The following RHCE variants were observed in gnomAD, a reference collection of about 807,000 sequenced individuals.
The protein encoded by RHCE is Rh blood group CcEe antigens, also known as blood group Rh(CE) polypeptide.
A neutral mutation model predicts 43.8 loss-of-function variants in RHCE; 22 were observed. That is an observed-to-expected ratio of 0.50 (90% CI 0.36 to 0.72). RHCE has a LOEUF of 0.72. Ranked by LOEUF, RHCE falls within the 30% of genes least tolerant of loss-of-function variation. The pLI is 0.00. For synonymous variants in RHCE, 156 were observed against 210.7 expected (o/e 0.74, Z 2.25); for missense variants, 385 against 525.4 (o/e 0.73, Z 2.61).
intron 7 of RHCE, 182 bp downstream of exon 7, chr1:25,385,529 G>A (rs1048358995): frequency 9.7e-6 from 9 of 924,192 alleles, no homozygotes; most frequent in African/African-American, 3.2e-5. Context: ...CTGGAGAGGT[G>A]ATAAATCCAT....
intron 9 of RHCE, among the ~76,000 whole-genome samples, chr1:25,368,897 A>T (rs1571821176): frequency 6.6e-6 from 1 of 151,838 alleles, no homozygotes. Context: ...AGTAGCCGGG[A>T]TTACAGGCAG....
At chr1:25,427,506 G>A (rs1283138442) in intron 2 of RHCE, among the ~76,000 whole-genome samples, 2 of 152,204 alleles carry the variant, frequency 1.3e-5, no homozygotes, top group African/African-American at 2.4e-5. Context: ...AATCCCAAAG[G>A]GCCATTTCAG....
chr1:25,414,258 G>A (rs58200238), intron 1 of RHCE, among the ~76,000 whole-genome samples: 11,128 of 151,758 alleles, frequency 0.073, 1,278 homozygotes, highest in African/African-American at 0.25. Context: ...TGCCTCCTCC[G>A]GTCAGCTGCC....
chr1:25,388,065 C>T (rs533892395), intron 6 of RHCE, among the ~76,000 whole-genome samples: 3 of 151,744 alleles, frequency 2.0e-5, no homozygotes, highest in East Asian at 1.9e-4. Context: ...GCCATCTGCC[C>T]GCCTCGGCCT....
Position 25,383,422 on chromosome 1 carries a change from G to A in RHCE, c.1073+2289C>T, listed in dbSNP as rs555080219. On this transcript the variant is annotated intron_variant, in intron 7 of 9. Transcript: ENST00000294413. ...CCTCTCTCCATCTTTCCATTACATA[G>A]AGATGTCCCCATACTGATGCAGCAT... Among the ~76,000 whole-genome samples the A allele has an allele frequency of 1.3e-3, 204 of 152,286 alleles. 2 individuals carry two copies. Among genetic ancestry groups the A allele is most frequent in the Non-Finnish European group, 2.4e-3 (162 of 68,032 alleles).
chr1:25,376,189 G>A (rs1338425209), intron 7 of RHCE, among the ~76,000 whole-genome samples: 3 of 152,040 alleles, frequency 2.0e-5, no homozygotes, highest in Non-Finnish European at 4.4e-5. Flanking sequence ...CATCTCCCCT[G>A]CCCATCCCTA....
chr1:25,380,822 A>G (rs917479856), intron 7 of RHCE, among the ~76,000 whole-genome samples: 1 of 150,904 alleles, frequency 6.6e-6, no homozygotes, highest in African/African-American at 2.4e-5. Flanking sequence ...GATCTCTGAA[A>G]TGGCTTTGGA....
intron 1 of RHCE, among the ~76,000 whole-genome samples, chr1:25,416,226 T>G (rs757312280): frequency 2.0e-5 from 3 of 152,154 alleles, no homozygotes; most frequent in Non-Finnish European, 4.4e-5. Context: ...ATTCTTCATG[T>G]TGCAACTAAT....
intron 3 of RHCE, among the ~76,000 whole-genome samples, chr1:25,397,017 C>A (rs1646563662): frequency 7.0e-6 from 1 of 142,736 alleles, no homozygotes; most frequent in African/African-American, 2.7e-5. Context: ...GAGGGTGAGG[C>A]ACAAGAATTG....
intron 3 of RHCE, among the ~76,000 whole-genome samples, chr1:25,394,541 G>A (rs1646482782): frequency 6.6e-6 from 1 of 151,862 alleles, no homozygotes; most frequent in Admixed American, 6.6e-5. Context: ...TTTTCTCTGT[G>A]GTACTTACCA....
intron 7 of RHCE, among the ~76,000 whole-genome samples, chr1:25,376,185 C>A (rs547556912): frequency 2.6e-5 from 4 of 152,064 alleles, no homozygotes; most frequent in Non-Finnish European, 5.9e-5. Context: ...GACCCATCTC[C>A]CCTGCCCATC....
chr1:25,427,072 A>G (rs1392170292), intron 2 of RHCE, among the ~76,000 whole-genome samples: 1 of 150,572 alleles, frequency 6.6e-6, no homozygotes, highest in Admixed American at 6.6e-5. Context: ...AAAAAAAAAT[A>G]GGTTTCTCTA....
chr1:25,375,743 C>G (rs1385982278), intron 7 of RHCE, among the ~76,000 whole-genome samples: 1 of 147,132 alleles, frequency 6.8e-6, no homozygotes, highest in African/African-American at 2.7e-5. Flanking sequence ...CTGCAAGACC[C>G]TGGGCAAGTC....
intron 7 of RHCE, among the ~76,000 whole-genome samples, chr1:25,381,809 T>A (rs924444950): frequency 6.7e-6 from 1 of 150,344 alleles, no homozygotes; most frequent in African/African-American, 2.5e-5. Context: ...TCCTCAAAAC[T>A]CTTCCAACCT....
Position 25,385,487 on chromosome 1 carries a change from C to G in RHCE, c.1073+224G>C, listed in dbSNP as rs937685599. On this transcript the variant is annotated intron_variant, in intron 7 of 9. Transcript: ENST00000294413. Reference sequence around the variant, plus strand: ...AAGATTTCGTGTCTTTGGTCTATACCTAGGTGGTCCTATTTGGAAAGAAGA... The same window carrying G: ...AAGATTTCGTGTCTTTGGTCTATACGTAGGTGGTCCTATTTGGAAAGAAGA... The G allele has an allele frequency of 8.9e-6, 6 of 675,066 alleles. No homozygotes were observed. The African/African-American group carries it at 1.1e-4, about 12-fold the overall frequency. The allele number at this position is 675,066 out of a possible 1,614,324, so 41.8% of individuals were successfully genotyped here. A position where few individuals can be genotyped will look rare whatever the true frequency, so the allele number is the denominator to read the frequency against.
At chr1:25,369,249 CA>C (rs1645529518) in intron 9 of RHCE, among the ~76,000 whole-genome samples, 1 of 151,648 alleles carries the variant, frequency 6.6e-6, no homozygotes, top group Admixed American at 6.6e-5. Flanking sequence ...CTTTAGTGAG[CA>C]ACATCTTGGA....
At chr1:25,391,200 A>G (rs1293142825) in intron 4 of RHCE, among the ~76,000 whole-genome samples, 2 of 151,888 alleles carry the variant, frequency 1.3e-5, no homozygotes, top group Non-Finnish European at 2.9e-5. Flanking sequence ...TTTCTTTTTA[A>G]TTGAGATGGA....
intron 8 of RHCE, among the ~76,000 whole-genome samples, chr1:25,374,089 G>A (rs1645707020): frequency 6.6e-6 from 1 of 151,080 alleles, no homozygotes; most frequent in Non-Finnish European, 1.5e-5. Context: ...CCAAAGTGCT[G>A]GGATTACAGG....
rs571532668 is a variant in RHCE at position 25,390,676 on chromosome 1, G to C, written c.801+73C>G. The C allele has an allele frequency of 3.2e-6, 5 of 1,554,094 alleles. No homozygotes were observed. In the South Asian group the frequency reaches 5.6e-5, roughly 17 times the overall value. The stretch of plus-strand genomic sequence containing the variant: ...TCTCCCAACCCACGCTGGCCCTGGG[G>C]TGGGGAGGGGCATAAATATGTGTGC... On this transcript the variant is annotated intron_variant, in intron 5 of 9. Transcript: ENST00000294413.
Sources: gnomAD v4.1 joint callset for allele counts (sites outside exome capture counted in the v4.1 genomes callset) on GRCh38, gnomAD v4.1.1 for gene constraint, MANE v1.5 for transcripts, NCBI Gene and HGNC (gene_info 2026-07-23, HGNC 2026-07-21) for gene names.